The following C1QTNF3 variants were observed in gnomAD, a reference collection of about 807,000 sequenced individuals.
C1QTNF3 encodes the protein C1q and TNF related 3.
A neutral mutation model predicts 32.6 loss-of-function variants in C1QTNF3; 26 were observed. The ratio of observed to expected loss-of-function variants is 0.80; its 90% CI spans 0.58 to 1.11. The LOEUF is 1.11. C1QTNF3 is among the 50% of genes least tolerant of loss of function. C1QTNF3 has a pLI of 0.00. For synonymous variants in C1QTNF3, 155 were observed against 146.0 expected (o/e 1.06, Z -0.44); for missense variants, 362 against 398.2 (o/e 0.91, Z 0.77).
At chr5:34,153,997 T>C in the C1QTNF3 span, among the ~76,000 whole-genome samples, 1 of 151,034 alleles carries the variant, frequency 6.6e-6, no homozygotes, top group Non-Finnish European at 1.5e-5. Flanking sequence ...ATTAATCACA[T>C]AATTTTTGAA....
chr5:34,064,685 T>C, the C1QTNF3 span, among the ~76,000 whole-genome samples: 2 of 151,948 alleles, frequency 1.3e-5, no homozygotes, highest in Non-Finnish European at 1.5e-5. Context: ...CAAACAGCAG[T>C]GGTGGATGGC....
the C1QTNF3 span, among the ~76,000 whole-genome samples, chr5:34,149,598 G>A: frequency 3.5e-4 from 1 of 2,852 alleles, no homozygotes; most frequent in Non-Finnish European, 5.5e-4. Context: ...TTCATATCCA[G>A]CCAAACTAAG....
chr5:34,182,689 G>C, the C1QTNF3 span: 1 of 524,352 alleles, frequency 1.9e-6, no homozygotes, highest in African/African-American at 1.9e-5. Flanking sequence ...CCTCCCACGA[G>C]TACAGGTAGG....
the C1QTNF3 span, among the ~76,000 whole-genome samples, chr5:34,213,246 A>G: frequency 6.6e-6 from 1 of 152,268 alleles, no homozygotes; most frequent in East Asian, 1.9e-4. Context: ...AAAAATTGCT[A>G]TCACCATTAT....
chr5:34,173,305 A>G, the C1QTNF3 span, among the ~76,000 whole-genome samples: 1 of 151,956 alleles, frequency 6.6e-6, no homozygotes, highest in Admixed American at 6.6e-5. Flanking sequence ...TAGTTAAAAT[A>G]TTATAATTAT....
chr5:34,134,141 G>A, the C1QTNF3 span, among the ~76,000 whole-genome samples: 3 of 151,962 alleles, frequency 2.0e-5, no homozygotes, highest in Admixed American at 2.0e-4. Flanking sequence ...AATATGAACT[G>A]GTCCTAATTC....
At chr5:34,170,603 A>C in the C1QTNF3 span, among the ~76,000 whole-genome samples, 1 of 152,136 alleles carries the variant, frequency 6.6e-6, no homozygotes, top group Non-Finnish European at 1.5e-5. Flanking sequence ...TATATAAATT[A>C]CCCTTCAAAT....
the C1QTNF3 span, among the ~76,000 whole-genome samples, chr5:34,216,529 T>C: frequency 6.6e-6 from 1 of 152,226 alleles, no homozygotes; most frequent in African/African-American, 2.4e-5. Flanking sequence ...TTGTGAATTG[T>C]AACTCAGCCA....
the C1QTNF3 span, among the ~76,000 whole-genome samples, chr5:34,173,410 G>A: frequency 7.0e-6 from 1 of 142,864 alleles, no homozygotes; most frequent in African/African-American, 2.6e-5. Flanking sequence ...AAACTTGGTT[G>A]AATGTTATAA....
At chr5:34,145,852 G>A in the C1QTNF3 span, among the ~76,000 whole-genome samples, 21 of 151,678 alleles carry the variant, frequency 1.4e-4, no homozygotes, top group Admixed American at 2.0e-4. Flanking sequence ...GTTTCAACCC[G>A]TACAAATCTA....
In C1QTNF3 at chr5:34,020,680, C is replaced by T; in HGVS notation, c.863G>A (p.Gly288Glu). The stretch of plus-strand genomic sequence containing the variant: ...GCCCATTCGCAGCCAAACCTCATCC[C>T]CTTTGGCTAGCTTCAGCACAGCATG... ...SNHAVLKLAK[G>E]DEVWLRMGNG... is the part of the protein sequence containing the mutation. Residue 288 changes from glycine to glutamate, a missense_variant, in exon 6 of 6, where the codon GGG (glycine) becomes GAG (glutamate). Transcript: ENST00000382065. 2 of 1,614,060 alleles carry T rather than the reference C, an allele frequency of 1.2e-6. No homozygotes were observed. Among genetic ancestry groups the T allele is most frequent in the East Asian group, 2.2e-5 (1 of 44,900 alleles).
the C1QTNF3 span, among the ~76,000 whole-genome samples, chr5:34,050,912 C>A: frequency 6.6e-6 from 1 of 152,202 alleles, no homozygotes; most frequent in Admixed American, 6.5e-5. Flanking sequence ...CACCTTGTAA[C>A]AGAGTCTTGA....
At chr5:34,036,412 TATAAA>T (rs1344403815) in intron 1 of C1QTNF3, among the ~76,000 whole-genome samples, 1 of 152,232 alleles carries the variant, frequency 6.6e-6, no homozygotes, top group African/African-American at 2.4e-5. Context: ...AACATGTTGT[TATAAA>T]ATAAGTACAC....
chr5:34,213,809 AT>A, the C1QTNF3 span, among the ~76,000 whole-genome samples: 2 of 4,942 alleles, frequency 4.0e-4, no homozygotes, highest in Admixed American at 5.8e-3. Context: ...ATATATATAT[AT>A]TTTTTTTTTT....
At chr5:34,174,596 C>T in the C1QTNF3 span, among the ~76,000 whole-genome samples, 6 of 152,120 alleles carry the variant, frequency 3.9e-5, no homozygotes, top group South Asian at 2.1e-4. Flanking sequence ...TTGTAACTCC[C>T]GCCATCACCA....
chr5:34,153,765 A>C, the C1QTNF3 span, among the ~76,000 whole-genome samples: 3 of 107,302 alleles, frequency 2.8e-5, no homozygotes, highest in Non-Finnish European at 5.6e-5. Flanking sequence ...TAGATGACAC[A>C]TTAGTGGGTG....
At chr5:34,023,492 T>G (rs1754392875) in intron 5 of C1QTNF3, among the ~76,000 whole-genome samples, 1 of 152,080 alleles carries the variant, frequency 6.6e-6, no homozygotes, top group South Asian at 2.1e-4. Flanking sequence ...AGCCACAAAG[T>G]TTTTCATAGA....
the C1QTNF3 span, among the ~76,000 whole-genome samples, chr5:34,093,716 C>G: frequency 2.7e-5 from 4 of 150,616 alleles, no homozygotes; most frequent in African/African-American, 9.8e-5. Flanking sequence ...CCTACCCTAG[C>G]CTAATTGGTT....
chr5:34,055,381 G>A, the C1QTNF3 span, among the ~76,000 whole-genome samples: 3 of 152,198 alleles, frequency 2.0e-5, no homozygotes, highest in Non-Finnish European at 4.4e-5. Flanking sequence ...CACACAAAAG[G>A]AGGGATTCTC....
Sources: allele counts gnomAD v4.1 joint callset (sites outside exome capture counted in the v4.1 genomes callset), GRCh38; gene constraint gnomAD v4.1.1; transcripts MANE v1.5; gene names NCBI Gene and HGNC (gene_info 2026-07-23, HGNC 2026-07-21).